Variants in RBM6 observed in about 807,000 individuals in gnomAD.
The protein encoded by RBM6 is RNA binding motif protein 6, also known as RNA-binding protein 6.
Under a neutral mutation model 140.4 loss-of-function variants are expected in RBM6, and 23 were observed. The ratio of observed to expected loss-of-function variants is 0.16; its 90% CI spans 0.12 to 0.23. The LOEUF is 0.23. Among genes scored for constraint, RBM6 ranks in the 10% least tolerant of loss-of-function variants. RBM6 has a pLI of 1.00. For missense variants in RBM6, 1,139 were observed against 1,386.7 expected, an observed-to-expected ratio of 0.82 and a Z score of 2.84; for synonymous variants, 439 against 475.6, an observed-to-expected ratio of 0.92 and a Z score of 1.00.
chr3:49,968,655 T>C lies in RBM6; in HGVS notation c.1230T>C (p.Asp410=). 1.2e-6 allele frequency: 2 copies of C among 1,613,936 alleles called. No homozygotes were observed. The highest frequency in any genetic ancestry group is 1.1e-5 in the South Asian group (1 of 91,076). The change falls in exon 3 of 21, where the codon GAT becomes GAC. Residue 410 remains aspartate, a synonymous_variant. Transcript: ENST00000266022. ...DYRSMEYRDV[D]HRLPGSQMFG... is the part of the protein sequence containing the mutation. ...GAAGCATGGAGTACCGTGATGTGGA[T>C]CATAGGCTGCCAGGAAGCCAGATGT...
chr3:50,034,692 C>T (rs868608173), intron 6 of RBM6, among the ~76,000 whole-genome samples: 10 of 151,522 alleles, frequency 6.6e-5, no homozygotes, highest in Admixed American at 2.0e-4. Flanking sequence ...ACCCGGGAGG[C>T]GGAAGTTGCA....
intron 1 of RBM6, among the ~76,000 whole-genome samples, chr3:49,946,584 G>A (rs905966709): frequency 3.3e-5 from 5 of 151,906 alleles, no homozygotes; most frequent in Admixed American, 2.6e-4. Flanking sequence ...TGCCCAGGCC[G>A]GAGTGAAGTG....
chr3:50,059,107 T>G (rs930999316), intron 10 of RBM6, among the ~76,000 whole-genome samples: 2 of 152,174 alleles, frequency 1.3e-5, no homozygotes, highest in African/African-American at 4.8e-5. Context: ...TGTTTCCAAC[T>G]TACTCGCTTG....
chr3:49,968,497 C>G lies in RBM6; in HGVS notation c.1072C>G (p.Gln358Glu). The G allele has an allele frequency of 6.2e-7, 1 of 1,614,174 alleles. No homozygotes were observed. Among genetic ancestry groups the G allele is most frequent in the Non-Finnish European group, 8.5e-7 (1 of 1,180,036 alleles). Residue 358 changes from glutamine to glutamate, a missense_variant, in exon 3 of 21, where the codon CAG (glutamine) becomes GAG (glutamate). Coordinates refer to ENST00000266022, the MANE Select transcript of RBM6 (RefSeq NM_005777.3). ...AFEHESPADFQNSQSPVQDQD... is the reference protein window; with the variant it reads ...AFEHESPADFENSQSPVQDQD... ...TGAACATGAGTCTCCAGCAGACTTT[C>G]AGAACAGCCAAAGTCCAGTTCAAGA...
intron 5 of RBM6, among the ~76,000 whole-genome samples, chr3:49,987,135 C>T (rs74665992): frequency 0.14 from 20,585 of 150,002 alleles, 1,752 homozygotes; most frequent in Non-Finnish European, 0.19. Flanking sequence ...TGCAGTGGCA[C>T]GATCTTGGCT....
chr3:50,030,406 G>C (rs1458425015), intron 6 of RBM6, among the ~76,000 whole-genome samples: 1 of 151,946 alleles, frequency 6.6e-6, no homozygotes, highest in Non-Finnish European at 1.5e-5. Flanking sequence ...TCAAGTGACA[G>C]TAGGACCTCT....
chr3:50,069,455 C>T (rs1306356296), intron 18 of RBM6, among the ~76,000 whole-genome samples: 1 of 146,342 alleles, frequency 6.8e-6, no homozygotes, highest in Non-Finnish European at 1.5e-5. Flanking sequence ...TTGCAGTGAG[C>T]TGAGTTTGTG....
intron 6 of RBM6, among the ~76,000 whole-genome samples, chr3:50,017,659 TG>T (rs1218229522): frequency 1.3e-5 from 2 of 152,226 alleles, no homozygotes; most frequent in Non-Finnish European, 2.9e-5. Context: ...TTGAGTTCTT[TG>T]TACATTTTGG....
At chr3:50,025,444 C>T (rs566345811) in intron 6 of RBM6, among the ~76,000 whole-genome samples, 2 of 151,080 alleles carry the variant, frequency 1.3e-5, no homozygotes, top group Admixed American at 6.7e-5. Flanking sequence ...CAAAACACCA[C>T]GGAATTGTTA....
At chr3:50,047,280 C>T (rs973206612) in intron 6 of RBM6, 1 of 985,252 alleles carries the variant, frequency 1.0e-6, no homozygotes. Context: ...CCCTAGAGGG[C>T]GGAGAATGAA....
chr3:50,049,029 C>T (rs1298234844), intron 7 of RBM6, among the ~76,000 whole-genome samples: 2 of 151,354 alleles, frequency 1.3e-5, no homozygotes, highest in Non-Finnish European at 2.9e-5. Flanking sequence ...TCTTGAACTC[C>T]GACCTCAAGT....
intron 6 of RBM6, among the ~76,000 whole-genome samples, chr3:50,015,241 G>A (rs1422444602): frequency 6.6e-6 from 1 of 150,982 alleles, no homozygotes; most frequent in Admixed American, 6.6e-5. Context: ...CCAAGTAGCT[G>A]GGACTACAGG....
intron 6 of RBM6, among the ~76,000 whole-genome samples, chr3:50,045,869 G>A (rs917659930): frequency 6.6e-6 from 1 of 152,188 alleles, no homozygotes; most frequent in African/African-American, 2.4e-5. Flanking sequence ...GGAAATGGAA[G>A]CACAAAGAAG....
intron 6 of RBM6, among the ~76,000 whole-genome samples, chr3:50,010,901 A>C (rs1196423465): frequency 1.4e-4 from 1 of 7,142 alleles, no homozygotes; most frequent in Non-Finnish European, 3.6e-4. Flanking sequence ...AGACTGTCTC[A>C]AAAAAAAAAA....
chr3:50,048,670 G>A (rs1433232622), intron 7 of RBM6, among the ~76,000 whole-genome samples: 2 of 152,226 alleles, frequency 1.3e-5, no homozygotes, highest in Non-Finnish European at 1.5e-5. Context: ...TAGGTTTGGA[G>A]AGACTAGTTC....
intron 5 of RBM6, among the ~76,000 whole-genome samples, chr3:49,978,230 G>A (rs2085148090): frequency 1.3e-5 from 2 of 152,100 alleles, no homozygotes; most frequent in African/African-American, 4.8e-5. Flanking sequence ...TGAACTCCTG[G>A]GTTCAAGTGA....
intron 6 of RBM6, among the ~76,000 whole-genome samples, chr3:50,024,930 G>A (rs2087714037): frequency 6.6e-6 from 1 of 151,842 alleles, no homozygotes; most frequent in Non-Finnish European, 1.5e-5. Flanking sequence ...GATGGAGCTT[G>A]CAGTGAGCCG....
chr3:50,059,538 T>G (rs758291631), intron 10 of RBM6, 111 bp from the exon 11 acceptor site: 5 of 843,276 alleles, frequency 5.9e-6, no homozygotes, highest in Non-Finnish European at 9.2e-6. Flanking sequence ...TGTAGTAAAT[T>G]TATCCTCTGA....
intron 6 of RBM6, among the ~76,000 whole-genome samples, chr3:50,025,315 C>T (rs1476468561): frequency 2.0e-5 from 3 of 151,574 alleles, no homozygotes; most frequent in African/African-American, 7.2e-5. Context: ...CCCAGCTACA[C>T]AGGAGGCTGA....
Sources: gnomAD v4.1 joint callset for allele counts (sites outside exome capture counted in the v4.1 genomes callset) on GRCh38, gnomAD v4.1.1 for gene constraint, MANE v1.5 for transcripts, NCBI Gene and HGNC (gene_info 2026-07-23, HGNC 2026-07-21) for gene names.